The following ASAH2 variants were observed in gnomAD, a reference collection of about 807,000 sequenced individuals.
The protein encoded by ASAH2 is N-acylsphingosine amidohydrolase 2.
A neutral mutation model predicts 82.9 loss-of-function variants in ASAH2; 58 were observed. The observed-to-expected ratio is 0.70, with a 90% CI of 0.57 to 0.87. ASAH2 has a LOEUF of 0.87. Ranked by LOEUF, ASAH2 falls within the 40% of genes least tolerant of loss-of-function variation. The pLI is 0.00. For synonymous variants in ASAH2, 276 were observed against 289.7 expected (o/e 0.95, Z 0.48); for missense variants, 779 against 834.0 (o/e 0.93, Z 0.81).
At chr10:50,193,430 CAG>C (rs1844894429) in intron 18 of ASAH2, among the ~76,000 whole-genome samples, 1 of 146,964 alleles carries the variant, frequency 6.8e-6, no homozygotes. Flanking sequence ...TGCACAGAGA[CAG>C]AAATCTGGAG....
intron 4 of ASAH2, among the ~76,000 whole-genome samples, chr10:50,241,180 C>T (rs1846283617): frequency 6.6e-6 from 1 of 152,152 alleles, no homozygotes; most frequent in Non-Finnish European, 1.5e-5. Flanking sequence ...TCAACCTTTG[C>T]CATCACCTTG....
Position 50,248,598 on chromosome 10 carries a change from T to C in ASAH2, c.13A>G (p.Thr5Ala). The C allele has an allele frequency of 1.2e-6, 2 of 1,613,612 alleles. No homozygotes were observed. The highest frequency in any genetic ancestry group is 1.3e-5 in the African/African-American group (1 of 74,998). Residue 5 changes from threonine (T) to alanine (A), a missense_variant, in exon 2 of 21, where the codon ACC (threonine) becomes GCC (alanine). Thr to Ala is a moderately conservative substitution (Grantham distance 58). Transcript: ENST00000682911. MAKR[T>A]FSNLETFLIF... ...AGGAATGTCTCCAAGTTAGAGAAGG[T>C]GCGTTTGGCCATTTCTTCTCAGGTA... is the stretch of plus-strand genomic sequence containing the variant.
At chr10:50,233,106 T>C in intron 7 of ASAH2, 78 bp downstream of exon 7, 1 of 1,073,930 alleles carries the variant, frequency 9.3e-7, no homozygotes, top group Non-Finnish European at 1.5e-6. Context: ...GTGCTGGTAC[T>C]ATTCTAGTCT....
intron 18 of ASAH2, among the ~76,000 whole-genome samples, chr10:50,195,924 T>C (rs1844966312): frequency 6.6e-6 from 1 of 151,788 alleles, no homozygotes; most frequent in Non-Finnish European, 1.5e-5. Context: ...TGGGGAGGTA[T>C]TGATCAAAGA....
intron 16 of ASAH2, among the ~76,000 whole-genome samples, chr10:50,200,929 T>C (rs541126042): frequency 2.6e-5 from 4 of 151,996 alleles, no homozygotes; most frequent in Non-Finnish European, 5.9e-5. Context: ...CAACCAAACA[T>C]TCCTGTTTTG....
At chr10:50,235,557 G>A (rs1277672519) in intron 5 of ASAH2, among the ~76,000 whole-genome samples, 2 of 152,030 alleles carry the variant, frequency 1.3e-5, no homozygotes, top group African/African-American at 4.8e-5. Flanking sequence ...GCTCCTTCAT[G>A]GGTTTCTCTT....
In ASAH2 at chr10:50,186,042, G is replaced by A. The variant is rs1209359956; in HGVS notation, c.*1273C>T. 7.0e-4 allele frequency: 105 copies of A among 149,444 alleles called. No homozygotes were observed. Among genetic ancestry groups the A allele is most frequent in the African/African-American group, 2.4e-3 (97 of 39,924 alleles). The allele number at this position is 149,444 out of a possible 1,614,324, so 9.3% of individuals were successfully genotyped here. A position where few individuals can be genotyped will look rare whatever the true frequency, so the allele number is the denominator to read the frequency against. On this transcript the variant is annotated 3_prime_UTR_variant, in exon 21 of 21. Transcript: ENST00000682911. ...AGACTGTCATATCTTATTCTTTGGG[G>A]TATGAAGCAAGGTATTTTACAATGC... is the stretch of plus-strand genomic sequence containing the variant.
chr10:50,210,633 CAG>C (rs1223435361), intron 12 of ASAH2, among the ~76,000 whole-genome samples, 188 bp downstream of exon 12: 1 of 152,058 alleles, frequency 6.6e-6, no homozygotes, highest in Non-Finnish European at 1.5e-5. Context: ...AATATGGAGA[CAG>C]AAATATTAGT....
chr10:50,245,719 A>G (rs963675343), intron 2 of ASAH2, among the ~76,000 whole-genome samples: 1 of 152,154 alleles, frequency 6.6e-6, no homozygotes, highest in Admixed American at 6.5e-5. Flanking sequence ...TGTCAAACTC[A>G]CTGCCTTCAC....
At chr10:50,224,330 G>A (rs907059161) in intron 7 of ASAH2, among the ~76,000 whole-genome samples, 1 of 152,052 alleles carries the variant, frequency 6.6e-6, no homozygotes, top group Non-Finnish European at 1.5e-5. Flanking sequence ...TGCAGATGAT[G>A]ATAATGATGA....
chr10:50,245,097 C>T, intron 3 of ASAH2, 125 bp downstream of exon 3: 2 of 874,082 alleles, frequency 2.3e-6, no homozygotes, highest in Non-Finnish European at 3.6e-6. Flanking sequence ...TAGACAGCAG[C>T]AAGGTCAATT....
intron 17 of ASAH2, among the ~76,000 whole-genome samples, chr10:50,198,759 T>G (rs1845060636): frequency 6.6e-6 from 1 of 151,974 alleles, no homozygotes; most frequent in African/African-American, 2.4e-5. Context: ...TCTCCTTAAT[T>G]TCACATGATG....
intron 7 of ASAH2, among the ~76,000 whole-genome samples, chr10:50,231,592 C>T (rs1043479793): frequency 1.3e-5 from 2 of 152,106 alleles, no homozygotes; most frequent in East Asian, 1.9e-4. Flanking sequence ...TTGCCTTATT[C>T]ATCATAACAT....
rs932863759 is a variant in ASAH2 at position 50,225,224 on chromosome 10, T to C, written c.894-6594A>G. 1.1e-4 allele frequency among the ~76,000 whole-genome samples: 16 copies of C among 152,306 alleles called. No individual in the cohort carries two copies. In the East Asian group the frequency reaches 3.1e-3, roughly 29 times the overall value. ...CCAAGGCAGGAGTTTGAAACCAGCC[T>C]GGCCAACATGGCAAAACCCCATCTC... On this transcript the variant is annotated intron_variant, in intron 7 of 20. Coordinates refer to ENST00000682911, the MANE Select transcript of ASAH2 (RefSeq NM_019893.4).
intron 7 of ASAH2, among the ~76,000 whole-genome samples, chr10:50,232,299 A>G (rs922839078): frequency 1.3e-5 from 2 of 152,142 alleles, no homozygotes; most frequent in African/African-American, 4.8e-5. Flanking sequence ...TTAAATACTT[A>G]CTTTATCCTA....
intron 4 of ASAH2, among the ~76,000 whole-genome samples, chr10:50,238,746 T>G (rs1234185900): frequency 6.6e-6 from 1 of 152,234 alleles, no homozygotes; most frequent in East Asian, 1.9e-4. Flanking sequence ...CATTAGGGCT[T>G]TAGAATTAAA....
At chr10:50,235,510 T>C (rs1846135752) in intron 5 of ASAH2, among the ~76,000 whole-genome samples, 1 of 152,090 alleles carries the variant, frequency 6.6e-6, no homozygotes, top group South Asian at 2.1e-4. Context: ...CTTTGGGAAA[T>C]ATTTTAAAAT....
chr10:50,201,090 C>T (rs903670311), intron 16 of ASAH2, among the ~76,000 whole-genome samples: 5,858 of 151,992 alleles, frequency 0.039, 409 homozygotes, highest in African/African-American at 0.13. Flanking sequence ...GAGAGGAGTT[C>T]GGCTGTGGAT....
intron 7 of ASAH2, among the ~76,000 whole-genome samples, chr10:50,230,305 C>T (rs1845990011): frequency 1.3e-5 from 2 of 152,164 alleles, no homozygotes; most frequent in East Asian, 1.9e-4. Context: ...GGGCAGGTCA[C>T]ATCACCTTTC....
Sources: gnomAD v4.1 joint callset for allele counts (sites outside exome capture counted in the v4.1 genomes callset) on GRCh38, gnomAD v4.1.1 for gene constraint, MANE v1.5 for transcripts, NCBI Gene and HGNC (gene_info 2026-07-23, HGNC 2026-07-21) for gene names.